LDLRAD4: variants seen among roughly 807,000 people sequenced by gnomAD.
LDLRAD4 encodes the protein low-density lipoprotein receptor class A domain-containing protein 4.
In LDLRAD4, 5 loss-of-function variants were observed where a neutral mutation model predicts 17.0. The observed-to-expected ratio is 0.29, with a 90% CI of 0.15 to 0.62. The LOEUF (loss-of-function observed/expected upper bound fraction) is 0.62. Among genes scored for constraint, LDLRAD4 ranks in the 20% least tolerant of loss-of-function variants. LDLRAD4 has a pLI of 0.84. For missense variants in LDLRAD4, 340 were observed against 424.7 expected, an observed-to-expected ratio of 0.80 and a Z score of 1.75; for synonymous variants, 168 against 171.8, an observed-to-expected ratio of 0.98 and a Z score of 0.17.
chr18:13,499,080 C>T (rs1648602), intron 3 of LDLRAD4, among the ~76,000 whole-genome samples: 50,361 of 144,182 alleles, frequency 0.35, 10,094 homozygotes, highest in South Asian at 0.48. Context: ...ATACACATCC[C>T]GCCGTGGACA....
intron 3 of LDLRAD4, chr18:13,562,832 G>A (rs556033844): frequency 2.6e-5 from 4 of 152,256 alleles, no homozygotes; most frequent in Admixed American, 6.5e-5. Flanking sequence ...TCTGCTTCCC[G>A]GGCTGTGCCC....
At chr18:13,619,495 TG>T (rs2040391351) in intron 3 of LDLRAD4, among the ~76,000 whole-genome samples, 3 of 4,608 alleles carry the variant, frequency 6.5e-4, no homozygotes, top group Non-Finnish European at 9.0e-4. Flanking sequence ...TTTGTGTGTG[TG>T]TGGGTGGGGG....
chr18:13,476,536 A>T (rs1207506433), intron 3 of LDLRAD4, among the ~76,000 whole-genome samples: 1 of 151,396 alleles, frequency 6.6e-6, no homozygotes, highest in Non-Finnish European at 1.5e-5. Flanking sequence ...AGGTGGGAGG[A>T]TCCCTTGAGC....
intron 1 of LDLRAD4, among the ~76,000 whole-genome samples, chr18:13,379,983 C>T (rs556938670): frequency 3.9e-5 from 6 of 152,236 alleles, no homozygotes; most frequent in Admixed American, 6.5e-5. Context: ...CCCGCCAGCC[C>T]CCTGCCCGCC....
At chr18:13,525,490 T>C (rs565263341) in intron 3 of LDLRAD4, among the ~76,000 whole-genome samples, 31 of 152,378 alleles carry the variant, frequency 2.0e-4, no homozygotes, top group African/African-American at 6.5e-4. Context: ...AACGTGGGCA[T>C]TCCCATAAAC....
intron 1 of LDLRAD4, among the ~76,000 whole-genome samples, chr18:13,256,659 C>T (rs905210994): frequency 6.6e-6 from 1 of 152,224 alleles, no homozygotes; most frequent in African/African-American, 2.4e-5. Flanking sequence ...ATCGACCCCA[C>T]TAGCATCCAG....
At chr18:13,236,649 C>T (rs1337361972) in intron 1 of LDLRAD4, among the ~76,000 whole-genome samples, 3 of 152,166 alleles carry the variant, frequency 2.0e-5, no homozygotes, top group African/African-American at 7.2e-5. Context: ...TCTGTACCCT[C>T]TGCTTCCTCT....
chr18:13,327,407 A>C (rs1432015657), intron 1 of LDLRAD4, among the ~76,000 whole-genome samples: 1 of 152,024 alleles, frequency 6.6e-6, no homozygotes, highest in Non-Finnish European at 1.5e-5. Context: ...CACCACGTGG[A>C]AAGGTGAAAA....
At chr18:13,420,369 G>A (rs776333658) in intron 2 of LDLRAD4, 1 of 152,174 alleles carries the variant, frequency 6.6e-6, no homozygotes. Flanking sequence ...AAGCAACAAG[G>A]GTGAGATTAT....
At chr18:13,356,026 G>T (rs2083316721) in intron 1 of LDLRAD4, among the ~76,000 whole-genome samples, 1 of 152,242 alleles carries the variant, frequency 6.6e-6, no homozygotes, top group Non-Finnish European at 1.5e-5. Flanking sequence ...GGGGATTGAG[G>T]AGTGTGGGAT....
chr18:13,605,515 G>T (rs1473084235), intron 3 of LDLRAD4, among the ~76,000 whole-genome samples: 1 of 152,210 alleles, frequency 6.6e-6, no homozygotes, highest in Non-Finnish European at 1.5e-5. Flanking sequence ...ACTGTGTCCA[G>T]CCCAGGGTCT....
chr18:13,600,098 C>T (rs1289957896), intron 3 of LDLRAD4, among the ~76,000 whole-genome samples: 1 of 152,198 alleles, frequency 6.6e-6, no homozygotes, highest in African/African-American at 2.4e-5. Context: ...ACTATAGGCA[C>T]ATACCACTAT....
At chr18:13,438,326 C>A (rs1475769056) in exon 3 of LDLRAD4, 1 of 1,613,964 alleles carries the variant, frequency 6.2e-7, no homozygotes, top group South Asian at 1.1e-5. Context: ...GTGGGGACAA[C>A]AGTGACGAAG....
chr18:13,304,712 T>C (rs1258018800), intron 1 of LDLRAD4, among the ~76,000 whole-genome samples: 1 of 152,230 alleles, frequency 6.6e-6, no homozygotes, highest in African/African-American at 2.4e-5. Context: ...TTGTTTTGGT[T>C]TCAAATTATG....
chr18:13,305,760 G>A (rs1463544164), intron 1 of LDLRAD4, among the ~76,000 whole-genome samples: 1 of 152,224 alleles, frequency 6.6e-6, no homozygotes, highest in Non-Finnish European at 1.5e-5. Context: ...AAGGAAATTT[G>A]TGAAGCCGTC....
chr18:13,385,013 G>T (rs919012694), intron 1 of LDLRAD4, among the ~76,000 whole-genome samples: 2 of 152,200 alleles, frequency 1.3e-5, no homozygotes, highest in African/African-American at 2.4e-5. Flanking sequence ...CAGTGGGATT[G>T]CTGGATCATA....
intron 1 of LDLRAD4, among the ~76,000 whole-genome samples, chr18:13,379,962 G>T (rs952330194): frequency 1.1e-5 from 1 of 88,226 alleles, no homozygotes; most frequent in Admixed American, 1.1e-4. Flanking sequence ...GATTGCAGAG[G>T]CCTGCCCCTG....
chr18:13,471,269 AGATCACAG>A (rs2146755644), intron 3 of LDLRAD4: 1 of 152,254 alleles, frequency 6.6e-6, no homozygotes, highest in African/African-American at 2.4e-5. Flanking sequence ...GGCTGTGTGT[AGATCACAG>A]CAGCGTGAGC....
chr18:13,460,321 T>C (rs890479592), intron 3 of LDLRAD4, among the ~76,000 whole-genome samples: 1 of 152,152 alleles, frequency 6.6e-6, no homozygotes, highest in African/African-American at 2.4e-5. Flanking sequence ...GCCTCCTGAG[T>C]AGCTGGAACT....
Sources: allele counts gnomAD v4.1 joint callset (sites outside exome capture counted in the v4.1 genomes callset), GRCh38; gene constraint gnomAD v4.1.1; transcripts MANE v1.5; gene names NCBI Gene and HGNC (gene_info 2026-07-23, HGNC 2026-07-21).